The following PCBP3 variants were observed in gnomAD, a reference collection of about 807,000 sequenced individuals.
PCBP3 encodes poly(rC) binding protein 3, also known as poly(rC)-binding protein 3.
PCBP3 carries 25 observed loss-of-function variants against 52.7 expected under a neutral mutation model. That is an observed-to-expected ratio of 0.47 (90% CI 0.35 to 0.66). PCBP3 has a LOEUF of 0.66. Among genes scored for constraint, PCBP3 ranks in the 30% least tolerant of loss-of-function variants. The probability of loss-of-function intolerance (pLI) is 0.01; values close to 1 mark genes in which losing one functional copy is unlikely to be tolerated. For missense variants in PCBP3, 391 were observed against 490.3 expected, an observed-to-expected ratio of 0.80 and a Z score of 1.91; for synonymous variants, 162 against 183.0, an observed-to-expected ratio of 0.89 and a Z score of 0.93.
intron 2 of PCBP3, among the ~76,000 whole-genome samples, chr21:45,683,783 C>T (rs1003127000): frequency 3.3e-5 from 5 of 151,780 alleles, no homozygotes; most frequent in Non-Finnish European, 5.9e-5. Flanking sequence ...AAAATGATCC[C>T]GGCGTGGTAG....
At chr21:45,863,955 G>A (rs1354061889) in intron 5 of PCBP3, among the ~76,000 whole-genome samples, 2 of 152,214 alleles carry the variant, frequency 1.3e-5, no homozygotes, top group African/African-American at 2.4e-5. Context: ...GTTTAAGCCC[G>A]CTCAGATGAT....
At chr21:45,916,072 A>G (rs2073357076) in intron 12 of PCBP3, 1 of 152,444 alleles carries the variant, frequency 6.6e-6, no homozygotes, top group South Asian at 2.1e-4. Context: ...CTAGCACGAC[A>G]TGGTCGTGAG....
intron 4 of PCBP3, among the ~76,000 whole-genome samples, chr21:45,766,992 A>G (rs540522789): frequency 1.2e-4 from 18 of 152,316 alleles, no homozygotes; most frequent in African/African-American, 4.3e-4. Flanking sequence ...TCACTAACAC[A>G]GTACTCAGTT....
intron 5 of PCBP3, among the ~76,000 whole-genome samples, chr21:45,863,309 C>T (rs1603456537): frequency 6.6e-6 from 1 of 152,212 alleles, no homozygotes; most frequent in Non-Finnish European, 1.5e-5. Flanking sequence ...CTACGCCACC[C>T]ATGGCAGACT....
At chr21:45,919,798 G>A (rs1483756012) in intron 13 of PCBP3, among the ~76,000 whole-genome samples, 2 of 151,556 alleles carry the variant, frequency 1.3e-5, no homozygotes, top group Non-Finnish European at 2.9e-5. Context: ...CAGCAGCAGC[G>A]TTGGGCAGAA....
chr21:45,917,530 G>A lies in PCBP3; in HGVS notation c.676-58G>A, dbSNP rs1052964189. ...CTTGTCATGCTGGAGGGTGGCGGCGGGTGCTGAGCCGTGGTGCAGCCAGGT... is the reference window on the plus strand; with the variant it reads ...CTTGTCATGCTGGAGGGTGGCGGCGAGTGCTGAGCCGTGGTGCAGCCAGGT... On this transcript the variant is annotated intron_variant, in intron 12 of 17. Coordinates refer to ENST00000681687, the MANE Select transcript of PCBP3 (RefSeq NM_001384156.1). This position sits in a 1 kb window ranked among gnomAD's most constrained non-coding sequence, Gnocchi z 5.3. 11 of 1,398,188 alleles carry A rather than the reference G, an allele frequency of 7.9e-6. No homozygotes were observed. The highest frequency in any genetic ancestry group is 1.0e-5 in the Non-Finnish European group (10 of 987,920). 86.6% of individuals were successfully genotyped at this position (1,398,188 alleles called of 1,614,324 possible). A position where few individuals can be genotyped will look rare whatever the true frequency, so the allele number is the denominator to read the frequency against.
Position 45,704,520 on chromosome 21 carries a change from C to T in PCBP3, c.-199-30872C>T, listed in dbSNP as rs2083323348. Among the ~76,000 whole-genome samples the T allele has an allele frequency of 6.6e-6, 1 of 152,112 alleles. No individual in the cohort carries two copies. The highest frequency in any genetic ancestry group is 1.5e-5 in the Non-Finnish European group (1 of 68,012). ...CTGGCAGAGGCGCCCCAGGGGGCTC[C>T]AGGGGAGTGCTGTCTGCTGCTGGCG... On this transcript the variant is annotated intron_variant, in intron 2 of 17. Transcript: ENST00000681687. This position sits in a 1 kb window ranked among gnomAD's most constrained non-coding sequence, Gnocchi z 4.1.
chr21:45,646,437 T>C (rs140801212), intron 1 of PCBP3, among the ~76,000 whole-genome samples: 1 of 152,002 alleles, frequency 6.6e-6, no homozygotes, highest in East Asian at 1.9e-4. Context: ...ACCATTCCTT[T>C]AAGAAAGTAC....
At chr21:45,730,657 G>C (rs1035185776) in intron 2 of PCBP3, among the ~76,000 whole-genome samples, 1 of 152,064 alleles carries the variant, frequency 6.6e-6, no homozygotes. Context: ...CATTATAATT[G>C]TGGATTTATC....
chr21:45,828,256 C>T (rs2093356789), intron 4 of PCBP3: 1 of 152,240 alleles, frequency 6.6e-6, no homozygotes, highest in Admixed American at 6.5e-5. Context: ...CAAATATTTG[C>T]TTCCCAGCTT....
At chr21:45,710,618 A>G (rs1334711124) in intron 2 of PCBP3, among the ~76,000 whole-genome samples, 2 of 152,214 alleles carry the variant, frequency 1.3e-5, no homozygotes, top group Admixed American at 6.5e-5. Flanking sequence ...ACTATTCACA[A>G]TAGCAAAGAC....
intron 1 of PCBP3, among the ~76,000 whole-genome samples, chr21:45,644,660 C>T (rs2079141288): frequency 6.6e-6 from 1 of 152,136 alleles, no homozygotes; most frequent in Non-Finnish European, 1.5e-5. Context: ...TCAGAGCAGC[C>T]TGGATTTGCA....
intron 4 of PCBP3, among the ~76,000 whole-genome samples, chr21:45,797,760 GGATGTGCA>G (rs2092038547): frequency 4.8e-4 from 1 of 2,078 alleles, no homozygotes; most frequent in African/African-American, 2.6e-3. Context: ...GAGAGTGAAT[GGATGTGCA>G]TGTGGATGAA....
rs2086426019 is a variant in PCBP3, at chr21:45,741,235, A to G, written c.-162+5806A>G. Among the ~76,000 whole-genome samples, 1 of 152,158 alleles carries G rather than the reference A, an allele frequency of 6.6e-6. No homozygotes were observed. Among genetic ancestry groups the G allele is most frequent in the Admixed American group, 6.5e-5 (1 of 15,280 alleles). The stretch of plus-strand genomic sequence containing the variant: ...GAGTGGGTCTGCAGTGGTCGGCCCC[A>G]TGGCTAGGAGTTTGGAAAGAAATCA... On this transcript the variant is annotated intron_variant, in intron 3 of 17. Coordinates refer to ENST00000681687, the MANE Select transcript of PCBP3 (RefSeq NM_001384156.1). This position sits in a 1 kb window ranked among gnomAD's most constrained non-coding sequence, Gnocchi z 4.5.
In PCBP3 at chr21:45,855,042, G is replaced by A. The variant is rs556487391; in HGVS notation, c.10+4947G>A. The stretch of plus-strand genomic sequence containing the variant: ...CGAAGAGCAGGAAAGGGGACCCTAG[G>A]CAGCCTTATGGCGACAATAGTGGTG... On this transcript the variant is annotated intron_variant, in intron 5 of 17. Transcript: ENST00000681687. Among the ~76,000 whole-genome samples the A allele has an allele frequency of 2.0e-5, 3 of 152,188 alleles. No homozygotes were observed. In the South Asian group the frequency reaches 6.2e-4, roughly 31 times the overall value.
chr21:45,868,727 G>A (rs751704833), intron 5 of PCBP3, among the ~76,000 whole-genome samples: 17 of 152,218 alleles, frequency 1.1e-4, no homozygotes, highest in Non-Finnish European at 2.4e-4. Flanking sequence ...ACCGGAAACT[G>A]CAGCCCACAG....
chr21:45,830,486 G>A lies in PCBP3; in HGVS notation c.-125-19475G>A, dbSNP rs2093420074. On this transcript the variant is annotated intron_variant, in intron 4 of 17. Transcript: ENST00000681687. The surrounding 1 kb of genome is among the most constrained non-coding windows in gnomAD (Gnocchi z 4.4). ...AGGCTCGCTGGGAGAGCAGGGTGGA[G>A]TGAGGCCACTGACGCGGGAGCCCTG... is the stretch of plus-strand genomic sequence containing the variant. 1 of 152,800 alleles carries A rather than the reference G, an allele frequency of 6.5e-6. No homozygotes were observed. The highest frequency in any genetic ancestry group is 1.5e-5 in the Non-Finnish European group (1 of 68,234). 9.5% of individuals were successfully genotyped at this position (152,800 alleles called of 1,614,324 possible).
At chr21:45,793,270 G>A (rs2091726818) in intron 4 of PCBP3, among the ~76,000 whole-genome samples, 1 of 152,166 alleles carries the variant, frequency 6.6e-6, no homozygotes, top group East Asian at 1.9e-4. Flanking sequence ...GCAGCATGAA[G>A]AGTTGCATAG....
chr21:45,739,380 C>A (rs1186717671), intron 3 of PCBP3, among the ~76,000 whole-genome samples: 5 of 128,708 alleles, frequency 3.9e-5, no homozygotes, highest in Admixed American at 3.9e-4. Flanking sequence ...TCTGGGTAGC[C>A]CCCCCATCTT....
Sources: allele counts gnomAD v4.1 joint callset (sites outside exome capture counted in the v4.1 genomes callset), GRCh38; gene constraint gnomAD v4.1.1; non-coding constraint Gnocchi (gnomAD v3.1); transcripts MANE v1.5; gene names NCBI Gene and HGNC (gene_info 2026-07-23, HGNC 2026-07-21).